Variants in CNGB3 observed in about 807,000 individuals in gnomAD.
The protein encoded by CNGB3 is cyclic nucleotide-gated channel beta-3.
Under a neutral mutation model 92.8 loss-of-function variants are expected in CNGB3, and 86 were observed. The observed-to-expected ratio is 0.93, with a 90% confidence interval of 0.78 to 1.11. CNGB3 has a LOEUF of 1.11. CNGB3 is among the 50% of genes least tolerant of loss of function. CNGB3 has a pLI of 0.00. For missense variants in CNGB3, 1,026 were observed against 956.8 expected (o/e 1.07, Z -0.95); for synonymous variants, 333 against 332.7 (o/e 1.00, Z -0.01).
intron 6 of CNGB3, chr8:86,659,204 C>T: frequency 1.4e-6 from 1 of 721,198 alleles, no homozygotes; most frequent in Non-Finnish European, 2.5e-6. Context: ...GCTGCATCCT[C>T]TGCTACCGCA....
chr8:86,703,286 C>T (rs1824589344), intron 3 of CNGB3, among the ~76,000 whole-genome samples: 1 of 152,072 alleles, frequency 6.6e-6, no homozygotes, highest in Non-Finnish European at 1.5e-5. Context: ...TTTCCTTCCA[C>T]TTACAGGCAA....
chr8:86,683,302 C>T (rs569871299), intron 3 of CNGB3, among the ~76,000 whole-genome samples: 4 of 152,176 alleles, frequency 2.6e-5, no homozygotes, highest in Admixed American at 2.6e-4. Context: ...CAGGAAGATA[C>T]ACTGAGTTGG....
chr8:86,644,449 T>A (rs1375409437), intron 9 of CNGB3, among the ~76,000 whole-genome samples, 173 bp downstream of exon 9: 2 of 151,386 alleles, frequency 1.3e-5, no homozygotes, highest in South Asian at 2.1e-4. Flanking sequence ...CATACTCTTA[T>A]TTCACTTAAA....
chr8:86,643,097 T>TACACACACACACACACACACAC (rs3077207), intron 10 of CNGB3, among the ~76,000 whole-genome samples: 18 of 149,114 alleles, frequency 1.2e-4, no homozygotes, highest in African/African-American at 4.4e-4. Context: ...CAACTCAGGA[T>TACACACACACACACACACACAC]ACACACACAC....
intron 8 of CNGB3, 131 bp downstream of exon 8, chr8:86,647,670 G>C (rs931998463): frequency 1.6e-6 from 1 of 628,762 alleles, no homozygotes; most frequent in Non-Finnish European, 2.9e-6. Context: ...CAGAAAGATG[G>C]AGAAGAGTTT....
At chr8:86,579,346 C>G in intron 15 of CNGB3, 94 bp from the exon 16 acceptor site, 1 of 1,410,794 alleles carries the variant, frequency 7.1e-7, no homozygotes, top group East Asian at 2.3e-5. Flanking sequence ...AGTATTTATA[C>G]TGCTTCAGAA....
intron 15 of CNGB3, among the ~76,000 whole-genome samples, chr8:86,592,074 C>T (rs902691529): frequency 2.0e-5 from 3 of 152,354 alleles, no homozygotes; most frequent in African/African-American, 7.2e-5. Flanking sequence ...CGGAAAAGCG[C>T]AGTATTCGGG....
rs189443390 is a variant in CNGB3 at position 86,580,059 on chromosome 8, G to A, written c.1782-807C>T. Among the ~76,000 whole-genome samples, 14 of 152,218 alleles carry A rather than the reference G, an allele frequency of 9.2e-5. No homozygotes were observed. The East Asian group carries it at 2.5e-3, about 27-fold the overall frequency. The stretch of plus-strand genomic sequence containing the variant: ...ACTGGCGAGGGCTCAGGAAACATAC[G>A]GTCATGGTGGAAGGCAATTGGGAAG... On this transcript the variant is annotated intron_variant, in intron 15 of 17. Coordinates refer to ENST00000320005, the MANE Select transcript of CNGB3 (RefSeq NM_019098.5).
intron 11 of CNGB3, among the ~76,000 whole-genome samples, chr8:86,632,198 CAA>C (rs71275869): frequency 1.3e-3 from 89 of 70,550 alleles, no homozygotes; most frequent in Middle Eastern, 9.3e-3. Context: ...GACCCTGTCT[CAA>C]AAAAAAAAAA....
At chr8:86,590,468 C>T (rs923849358) in intron 15 of CNGB3, among the ~76,000 whole-genome samples, 47 of 152,198 alleles carry the variant, frequency 3.1e-4, no homozygotes, top group African/African-American at 6.5e-4. Flanking sequence ...GATTTTGCAG[C>T]GGCTGGTACC....
intron 3 of CNGB3, among the ~76,000 whole-genome samples, chr8:86,699,564 T>G (rs1215053572): frequency 1.3e-5 from 2 of 152,206 alleles, no homozygotes. Flanking sequence ...TATTGGTACT[T>G]ATGGATTCTT....
chr8:86,597,121 T>C (rs1319164307), intron 15 of CNGB3, among the ~76,000 whole-genome samples: 1 of 152,166 alleles, frequency 6.6e-6, no homozygotes. Flanking sequence ...TGTATACCTA[T>C]GTAACAAACC....
intron 15 of CNGB3, 100 bp from the exon 16 acceptor site, chr8:86,579,352 C>T: frequency 7.3e-7 from 1 of 1,362,568 alleles, no homozygotes; most frequent in Non-Finnish European, 1.0e-6. Flanking sequence ...TATACTGCTT[C>T]AGAAATCATT....
intron 6 of CNGB3, 44 bp from the exon 7 acceptor site, chr8:86,654,106 A>C: frequency 7.7e-7 from 1 of 1,303,350 alleles, no homozygotes; most frequent in South Asian, 1.2e-5. Flanking sequence ...CAATTTCATC[A>C]ATTATTTTTT....
At chr8:86,593,801 C>A (rs1321168407) in intron 15 of CNGB3, 6 of 1,334,134 alleles carry the variant, frequency 4.5e-6, no homozygotes, top group Non-Finnish European at 6.3e-6. Flanking sequence ...GTAGTAGGGC[C>A]GCAGCTTGTC....
chr8:86,652,026 G>A (rs1285416570), intron 7 of CNGB3, among the ~76,000 whole-genome samples: 1 of 151,848 alleles, frequency 6.6e-6, no homozygotes, highest in Non-Finnish European at 1.5e-5. Context: ...TACAAGCCTA[G>A]GCTTCTAGGC....
At chr8:86,697,369 C>T (rs1480660052) in intron 3 of CNGB3, among the ~76,000 whole-genome samples, 1 of 152,126 alleles carries the variant, frequency 6.6e-6, no homozygotes, top group Non-Finnish European at 1.5e-5. Context: ...TTGATCTTCA[C>T]AATACAAAAT....
intron 11 of CNGB3, 147 bp from the exon 12 acceptor site, chr8:86,629,225 T>C (rs1368617349): frequency 2.9e-6 from 3 of 1,036,708 alleles, no homozygotes; most frequent in Admixed American, 4.0e-5. Flanking sequence ...TTATTTATTC[T>C]TGCCCAGACA....
At chr8:86,638,517 C>T (rs1051283690) in intron 10 of CNGB3, among the ~76,000 whole-genome samples, 5 of 152,084 alleles carry the variant, frequency 3.3e-5, no homozygotes, top group African/African-American at 9.7e-5. Flanking sequence ...TCCTAACTAC[C>T]TCAATCCATC....
Sources: allele counts gnomAD v4.1 joint callset (sites outside exome capture counted in the v4.1 genomes callset), GRCh38; gene constraint gnomAD v4.1.1; transcripts MANE v1.5; gene names NCBI Gene and HGNC (gene_info 2026-07-23, HGNC 2026-07-21).